Variants in CWF19L2 observed in about 807,000 individuals in gnomAD.
CWF19L2 encodes CWF19-like protein 2.
CWF19L2 carries 98 observed loss-of-function variants against 111.7 expected under a neutral mutation model. The observed-to-expected ratio is 0.88, with a 90% CI of 0.75 to 1.04. CWF19L2 has a LOEUF of 1.04. Ranked by LOEUF, CWF19L2 falls within the 50% of genes least tolerant of loss-of-function variation. The pLI, the probability that CWF19L2 is intolerant of heterozygous loss-of-function variation, is 0.00. For missense variants in CWF19L2, 1,101 were observed against 1,051.4 expected (o/e 1.05, Z -0.65); for synonymous variants, 351 against 342.9 (o/e 1.02, Z -0.26).
intron 12 of CWF19L2, among the ~76,000 whole-genome samples, chr11:107,361,889 T>C (rs1475519260): frequency 2.0e-5 from 3 of 152,056 alleles, no homozygotes; most frequent in Non-Finnish European, 4.4e-5. Flanking sequence ...AGACGGGTGA[T>C]TTGTGCATTT....
intron 10 of CWF19L2, among the ~76,000 whole-genome samples, chr11:107,405,314 G>A (rs1050079174): frequency 5.3e-5 from 8 of 152,106 alleles, no homozygotes; most frequent in Non-Finnish European, 1.2e-4. Flanking sequence ...TTACTATTTG[G>A]TCTCTACAGA....
chr11:107,397,683 A>G (rs936458850), intron 10 of CWF19L2, among the ~76,000 whole-genome samples: 1 of 152,160 alleles, frequency 6.6e-6, no homozygotes, highest in Non-Finnish European at 1.5e-5. Context: ...GCTCTCTGGA[A>G]AGTGCCACCT....
At chr11:107,341,581 A>G (rs1243893100) in intron 14 of CWF19L2, among the ~76,000 whole-genome samples, 4 of 152,156 alleles carry the variant, frequency 2.6e-5, no homozygotes, top group African/African-American at 9.6e-5. Flanking sequence ...TGAGGATAAC[A>G]CTAACTTACG....
intron 12 of CWF19L2, among the ~76,000 whole-genome samples, chr11:107,357,638 A>G (rs191162166): frequency 6.6e-6 from 1 of 152,330 alleles, no homozygotes; most frequent in East Asian, 1.9e-4. Flanking sequence ...ATTCTTCAAT[A>G]TAACTGAAAT....
At chr11:107,368,193 T>C (rs1860460913) in intron 12 of CWF19L2, among the ~76,000 whole-genome samples, 1 of 127,946 alleles carries the variant, frequency 7.8e-6, no homozygotes, top group Non-Finnish European at 1.6e-5. Context: ...ATTGACAAAC[T>C]GCTAGCTAAA....
chr11:107,445,971 G>T (rs913902443), intron 3 of CWF19L2, among the ~76,000 whole-genome samples: 1 of 152,152 alleles, frequency 6.6e-6, no homozygotes, highest in Non-Finnish European at 1.5e-5. Flanking sequence ...AAAAAAAAGA[G>T]CATCTTCTTT....
chr11:107,378,093 CA>C (rs1860621821), intron 12 of CWF19L2, among the ~76,000 whole-genome samples: 1 of 150,746 alleles, frequency 6.6e-6, no homozygotes, highest in Admixed American at 6.6e-5. Context: ...GTTAGAATGG[CA>C]ATCATTAAAA....
chr11:107,386,908 G>A (rs937426251), intron 12 of CWF19L2, among the ~76,000 whole-genome samples: 1 of 151,992 alleles, frequency 6.6e-6, no homozygotes, highest in Non-Finnish European at 1.5e-5. Context: ...ACAAAAATTA[G>A]CTGGGCATGG....
chr11:107,430,489 CAT>C (rs1188411200), intron 7 of CWF19L2, among the ~76,000 whole-genome samples: 2 of 151,978 alleles, frequency 1.3e-5, no homozygotes, highest in African/African-American at 4.8e-5. Flanking sequence ...AATCAGAGGG[CAT>C]ATCACTAGCA....
chr11:107,400,776 A>C (rs1380501823), intron 10 of CWF19L2, among the ~76,000 whole-genome samples: 1 of 152,342 alleles, frequency 6.6e-6, no homozygotes, highest in East Asian at 1.9e-4. Flanking sequence ...AGAAAACTAC[A>C]GACTGATATC....
At chr11:107,351,835 T>C (rs1398502138) in intron 13 of CWF19L2, among the ~76,000 whole-genome samples, 1 of 152,196 alleles carries the variant, frequency 6.6e-6, no homozygotes, top group African/African-American at 2.4e-5. Flanking sequence ...GCTAATTCTG[T>C]TGGAACAAGC....
rs1024840290 is a variant in CWF19L2, at chr11:107,326,447, G to A, written c.*463C>T. 3 of 152,528 alleles carry A rather than the reference G, an allele frequency of 2.0e-5. No individual in the cohort carries two copies. The highest frequency in any genetic ancestry group is 1.3e-4 in the Admixed American group (2 of 15,292). 9.4% of individuals were successfully genotyped at this position (152,528 alleles called of 1,614,324 possible). A position where few individuals can be genotyped will look rare whatever the true frequency, so the allele number is the denominator to read the frequency against. On this transcript the variant is annotated 3_prime_UTR_variant, in exon 18 of 18. Coordinates refer to ENST00000282251, the MANE Select transcript of CWF19L2 (RefSeq NM_152434.3). ...ATAGAAGTGATACTATATACTGCTA[G>A]TAGAAAATTAAGAGCTTTTCTATAA...
chr11:107,411,617 A>G (rs1419294540), intron 10 of CWF19L2, among the ~76,000 whole-genome samples: 1 of 152,178 alleles, frequency 6.6e-6, no homozygotes, highest in Non-Finnish European at 1.5e-5. Flanking sequence ...GTGATTTGCT[A>G]AATTTACCAA....
intron 10 of CWF19L2, 25 bp from the exon 11 acceptor site, chr11:107,392,920 A>G: frequency 7.7e-7 from 1 of 1,306,386 alleles, no homozygotes; most frequent in African/African-American, 1.5e-5. Context: ...AGAGATAACT[A>G]TTGAAATTAT....
rs1441435723 is a variant in CWF19L2, at chr11:107,369,949, C to T, written c.1873-16213G>A. On this transcript the variant is annotated intron_variant, in intron 12 of 17. Transcript: ENST00000282251. ...TTAGAGACGGGATCTCACTCTGTAG[C>T]CCAGGCTGGAGTGCAGTGTTGGGAT... Among the ~76,000 whole-genome samples, 16 of 137,928 alleles carry T rather than the reference C, an allele frequency of 1.2e-4. 4 individuals are homozygous for T. Among genetic ancestry groups the T allele is most frequent in the African/African-American group, 4.6e-4 (16 of 34,692 alleles). The allele number at this position is 137,928 out of a possible 152,430, so 90.5% of individuals were successfully genotyped here.
intron 12 of CWF19L2, among the ~76,000 whole-genome samples, chr11:107,372,032 G>C (rs1860518041): frequency 7.3e-6 from 1 of 136,292 alleles, no homozygotes; most frequent in Admixed American, 7.3e-5. Context: ...TTGTATAATA[G>C]TGAAAAGGGG....
Position 107,365,615 on chromosome 11 carries a change from A to C in CWF19L2, c.1873-11879T>G, listed in dbSNP as rs1345521839. Reference sequence around the variant, plus strand: ...TAGATGCAGAAAAAGCCTTTGACAAAATTCAACAACGCTTCATGCTAAAAA... The same window carrying C: ...TAGATGCAGAAAAAGCCTTTGACAACATTCAACAACGCTTCATGCTAAAAA... On this transcript the variant is annotated intron_variant, in intron 12 of 17. Coordinates refer to ENST00000282251, the MANE Select transcript of CWF19L2 (RefSeq NM_152434.3). Among the ~76,000 whole-genome samples the C allele has an allele frequency of 6.0e-5, 6 of 100,392 alleles. 1 individual carries two copies. The East Asian group carries it at 1.7e-3, about 28-fold the overall frequency. 65.9% of individuals were successfully genotyped at this position (100,392 alleles called of 152,430 possible).
intron 10 of CWF19L2, among the ~76,000 whole-genome samples, chr11:107,407,235 A>G (rs1591187203): frequency 2.0e-5 from 3 of 152,230 alleles, no homozygotes; most frequent in East Asian, 3.9e-4. Flanking sequence ...TTTGATTTCT[A>G]TCTTCAACAA....
rs1348825241 is a variant in CWF19L2, at chr11:107,374,085, A to G, written c.1872+15989T>C. ...AGTTTAGAGAAAAAAGAATAAAAAG[A>G]AATGAGCAAAGCCTCCAAGAAATAT... On this transcript the variant is annotated intron_variant, in intron 12 of 17. Coordinates refer to ENST00000282251, the MANE Select transcript of CWF19L2 (RefSeq NM_152434.3). Among the ~76,000 whole-genome samples the G allele has an allele frequency of 2.2e-5, 3 of 136,796 alleles. 1 individual carries two copies. The highest frequency in any genetic ancestry group is 4.7e-5 in the Non-Finnish European group (3 of 64,188). 89.7% of individuals were successfully genotyped at this position (136,796 alleles called of 152,430 possible). A position where few individuals can be genotyped will look rare whatever the true frequency, so the allele number is the denominator to read the frequency against.
Sources: allele counts gnomAD v4.1 joint callset (sites outside exome capture counted in the v4.1 genomes callset), GRCh38; gene constraint gnomAD v4.1.1; transcripts MANE v1.5; gene names NCBI Gene and HGNC (gene_info 2026-07-23, HGNC 2026-07-21).